LPA: variants seen among roughly 807,000 people sequenced by gnomAD.
The protein encoded by LPA is lipoprotein(a), also known as apolipoprotein(a).
LPA carries 199 observed loss-of-function variants against 197.9 expected under a neutral mutation model. The observed-to-expected ratio is 1.01, with a 90% CI of 0.90 to 1.13. LPA has a LOEUF of 1.13. Among genes scored for constraint, LPA ranks in the 50% most tolerant of loss-of-function variants. The pLI is 0.00. For missense variants in LPA, 1,853 were observed against 1,785.8 expected, an observed-to-expected ratio of 1.04 and a Z score of -0.68; for synonymous variants, 715 against 639.5, an observed-to-expected ratio of 1.12 and a Z score of -1.78.
chr6:160,662,935 T>C (rs550760095), intron 1 of LPA, among the ~76,000 whole-genome samples: 1 of 152,192 alleles, frequency 6.6e-6, no homozygotes, highest in Non-Finnish European at 1.5e-5. Context: ...AACCAAAGCA[T>C]GCCCACTACA....
intron 20 of LPA, among the ~76,000 whole-genome samples, chr6:160,598,727 C>T (rs1278852858): frequency 2.0e-5 from 3 of 152,146 alleles, no homozygotes; most frequent in African/African-American, 7.2e-5. Flanking sequence ...TCTCTTCAGA[C>T]CACTGGTGCT....
At chr6:160,563,717 T>C (rs9456547) in intron 28 of LPA, among the ~76,000 whole-genome samples, 9,213 of 152,266 alleles carry the variant, frequency 0.061, 962 homozygotes, top group African/African-American at 0.21. Context: ...TGTAGGTCTC[T>C]AAGAACTTGC....
At position 160,600,768 on chromosome 6, in the gene LPA, G is replaced by T. The variant is rs556877990; in HGVS notation, c.3127+149C>A. The T allele has an allele frequency of 9.2e-4, 813 of 882,368 alleles. 2 individuals carry two copies. Among genetic ancestry groups the T allele is most frequent in the Non-Finnish European group, 9.8e-4 (533 of 546,660 alleles). 54.7% of individuals were successfully genotyped at this position (882,368 alleles called of 1,614,324 possible). A position where few individuals can be genotyped will look rare whatever the true frequency, so the allele number is the denominator to read the frequency against. Reference sequence around the variant, plus strand: ...AAAAATCACACCTCTGGCTCCCCCAGAGAGTGCGCTAAGGCTTCCTCCCAC... The same window carrying T: ...AAAAATCACACCTCTGGCTCCCCCATAGAGTGCGCTAAGGCTTCCTCCCAC... On this transcript the variant is annotated intron_variant, in intron 19 of 38. Transcript: ENST00000316300.
chr6:160,554,988 T>A (rs1437977604), intron 30 of LPA, among the ~76,000 whole-genome samples: 1 of 152,028 alleles, frequency 6.6e-6, no homozygotes, highest in Non-Finnish European at 1.5e-5. Flanking sequence ...ATTATCTCAG[T>A]CCTGTACTGT....
At chr6:160,598,648 T>C (rs1029566689) in intron 20 of LPA, among the ~76,000 whole-genome samples, 1 of 152,220 alleles carries the variant, frequency 6.6e-6, no homozygotes, top group Non-Finnish European at 1.5e-5. Context: ...CTTTTACTTT[T>C]CAGCATCGCC....
intron 25 of LPA, 30 bp from the exon 26 acceptor site, chr6:160,585,235 T>C: frequency 1.2e-6 from 2 of 1,613,028 alleles, no homozygotes; most frequent in South Asian, 1.1e-5. Flanking sequence ...TCAAGCTCAG[T>C]ATTGCCTAGA....
intron 2 of LPA, among the ~76,000 whole-genome samples, chr6:160,649,840 G>A (rs1779971322): frequency 6.6e-6 from 1 of 152,028 alleles, no homozygotes; most frequent in South Asian, 2.1e-4. Context: ...CTGGCAACCC[G>A]TATTCCTTCA....
intron 23 of LPA, among the ~76,000 whole-genome samples, chr6:160,590,046 C>T (rs1041888324): frequency 6.6e-6 from 1 of 152,202 alleles, no homozygotes; most frequent in Non-Finnish European, 1.5e-5. Context: ...GAGTGCCATG[C>T]ATCAGGCGGT....
intron 1 of LPA, among the ~76,000 whole-genome samples, chr6:160,652,884 G>A (rs1381982027): frequency 6.6e-6 from 1 of 151,916 alleles, no homozygotes; most frequent in Non-Finnish European, 1.5e-5. Flanking sequence ...TAAACATTGT[G>A]GAAAATACTA....
At chr6:160,600,138 TG>T (rs964875853) in intron 19 of LPA, among the ~76,000 whole-genome samples, 5 of 152,182 alleles carry the variant, frequency 3.3e-5, no homozygotes, top group Admixed American at 2.6e-4. Flanking sequence ...CTCCTGGTGA[TG>T]GGGCAGACAA....
chr6:160,583,366 T>C (rs1412930363), intron 26 of LPA, among the ~76,000 whole-genome samples: 1 of 152,204 alleles, frequency 6.6e-6, no homozygotes, highest in Non-Finnish European at 1.5e-5. Context: ...ATTTGGATCT[T>C]TTTAGACTTG....
At chr6:160,541,232 C>T in intron 34 of LPA, 51 bp from the exon 35 acceptor site, 1 of 1,282,310 alleles carries the variant, frequency 7.8e-7, no homozygotes, top group Non-Finnish European at 1.1e-6. Flanking sequence ...GTTTGTTCTA[C>T]TTCATTGTAC....
At chr6:160,593,882 TA>T (rs967644904) in intron 22 of LPA, 75 bp downstream of exon 22, 104 of 1,553,416 alleles carry the variant, frequency 6.7e-5, no homozygotes, top group Non-Finnish European at 9.0e-5. Flanking sequence ...CATAAGAAGT[TA>T]GTTGGAAGCA....
chr6:160,626,150 T>TA (rs1779640529), intron 10 of LPA, among the ~76,000 whole-genome samples: 1 of 114,660 alleles, frequency 8.7e-6, no homozygotes, highest in African/African-American at 4.2e-5. Context: ...CAGGTTGGGT[T>TA]TTTTTTCCGA....
chr6:160,533,773 C>T (rs1399146393), intron 37 of LPA, among the ~76,000 whole-genome samples: 3 of 152,164 alleles, frequency 2.0e-5, no homozygotes, highest in Non-Finnish European at 4.4e-5. Flanking sequence ...ATTTACACTT[C>T]CTTGACAATT....
chr6:160,589,590 G>A lies in LPA; in HGVS notation c.3910C>T (p.His1304Tyr), dbSNP rs1778984906. The A allele has an allele frequency of 1.2e-6, 2 of 1,613,782 alleles. No homozygotes were observed. Among genetic ancestry groups the A allele is most frequent in the Non-Finnish European group, 1.7e-6 (2 of 1,179,860 alleles). The part of the protein sequence containing the change: ...TCQSWSSMTP[H>Y]WHQRTTEYYP... ...TATTCTGTGGTTCTCTGATGCCAGT[G>A]TGGTGTCATAGAGGACCAAGACTGA... is the stretch of plus-strand genomic sequence containing the variant. The change falls in exon 24 of 39, where the codon CAC becomes TAC. Residue 1304 changes from histidine (H) to tyrosine (Y), a missense_variant. Physicochemically the swap from His to Tyr is moderately conservative, Grantham distance 83. This residue lies in a region of LPA where 1,737 missense variants were observed against 1,504.4 expected (regional missense o/e 1.15). Transcript: ENST00000316300.
rs1779314354 is a variant in LPA at position 160,604,924 on chromosome 6, T to C, written c.2945+122A>G. The C allele has an allele frequency of 2.1e-6, 3 of 1,449,054 alleles. No homozygotes were observed. In the East Asian group the frequency reaches 6.8e-5, roughly 33 times the overall value. 89.8% of individuals were successfully genotyped at this position (1,449,054 alleles called of 1,614,324 possible). ...GCTCAAAGACAATGTTCCTGAGACATTTTGCTATGCACTGTTCATCTGAGA... is the reference window on the plus strand; with the variant it reads ...GCTCAAAGACAATGTTCCTGAGACACTTTGCTATGCACTGTTCATCTGAGA... On this transcript the variant is annotated intron_variant, in intron 18 of 38. Transcript: ENST00000316300.
intron 2 of LPA, among the ~76,000 whole-genome samples, chr6:160,647,397 G>C (rs1403625293): frequency 6.6e-6 from 1 of 152,148 alleles, no homozygotes; most frequent in Non-Finnish European, 1.5e-5. Flanking sequence ...GTGGCTGCCT[G>C]AGAAAATGGG....
intron 37 of LPA, among the ~76,000 whole-genome samples, chr6:160,537,085 C>T (rs913457858): frequency 2.0e-5 from 3 of 152,146 alleles, no homozygotes; most frequent in Non-Finnish European, 4.4e-5. Context: ...TTGCCTGCAC[C>T]TCTGAGAAAG....
Sources: gnomAD v4.1 joint callset for allele counts (sites outside exome capture counted in the v4.1 genomes callset) on GRCh38, gnomAD v4.1.1 for gene constraint, gnomAD v4.1.1 regional missense constraint, MANE v1.5 for transcripts, NCBI Gene and HGNC (gene_info 2026-07-23, HGNC 2026-07-21) for gene names.